BAZ2B: variants seen among roughly 807,000 people sequenced by gnomAD.
The protein encoded by BAZ2B is bromodomain adjacent to zinc finger domain protein 2B.
A neutral mutation model predicts 246.0 loss-of-function variants in BAZ2B; 91 were observed. That is an observed-to-expected ratio of 0.37 (90% CI 0.31 to 0.44). The LOEUF (loss-of-function observed/expected upper bound fraction) is 0.44. Among genes scored for constraint, BAZ2B ranks in the 20% least tolerant of loss-of-function variants. The probability of loss-of-function intolerance (pLI) is 1.00; values close to 1 mark genes in which losing one functional copy is unlikely to be tolerated. For missense variants in BAZ2B, 2,332 were observed against 2,533.7 expected (o/e 0.92, Z 1.71); for synonymous variants, 855 against 860.0 (o/e 0.99, Z 0.10).
chr2:159,535,534 AG>A (rs1334817752), intron 2 of BAZ2B, among the ~76,000 whole-genome samples: 1 of 152,238 alleles, frequency 6.6e-6, no homozygotes, highest in Non-Finnish European at 1.5e-5. Flanking sequence ...CAAAAAGAAA[AG>A]AAAAATACAC....
chr2:159,391,893 T>C (rs773605366), intron 20 of BAZ2B, among the ~76,000 whole-genome samples: 1 of 152,210 alleles, frequency 6.6e-6, no homozygotes, highest in Non-Finnish European at 1.5e-5. Flanking sequence ...AATGGAAATG[T>C]GGAGTCTCTC....
intron 2 of BAZ2B, among the ~76,000 whole-genome samples, chr2:159,487,498 T>C (rs2079969651): frequency 6.6e-6 from 1 of 152,206 alleles, no homozygotes; most frequent in African/African-American, 2.4e-5. Context: ...CACCTTCAAG[T>C]AGGAGGCACT....
chr2:159,467,693 A>ATGG (rs777276717), intron 3 of BAZ2B, among the ~76,000 whole-genome samples: 1 of 123,760 alleles, frequency 8.1e-6, no homozygotes, highest in Non-Finnish European at 1.9e-5. Context: ...ACTGCTGGTA[A>ATGG]TGGTGGAGTG....
chr2:159,466,144 C>T (rs1194448218), intron 3 of BAZ2B, among the ~76,000 whole-genome samples: 1 of 152,046 alleles, frequency 6.6e-6, no homozygotes, highest in Non-Finnish European at 1.5e-5. Context: ...CTAGTTAAAC[C>T]ATAATTTTGA....
chr2:159,519,670 CTTT>C (rs1156978730), intron 2 of BAZ2B, among the ~76,000 whole-genome samples: 1 of 98,270 alleles, frequency 1.0e-5, no homozygotes. Context: ...GACCTTTCTT[CTTT>C]TTTTTTTTTT....
chr2:159,649,117 T>C, the BAZ2B span, among the ~76,000 whole-genome samples: 3 of 152,186 alleles, frequency 2.0e-5, no homozygotes, highest in East Asian at 5.8e-4. Context: ...CCTTTTATAT[T>C]TTTTGGTGAA....
At chr2:159,667,696 T>C in the BAZ2B span, among the ~76,000 whole-genome samples, 1 of 151,930 alleles carries the variant, frequency 6.6e-6, no homozygotes, top group Non-Finnish European at 1.5e-5. Context: ...TGAAAATCAG[T>C]TAATTATATA....
chr2:159,558,828 A>G (rs1379403454), intron 1 of BAZ2B, among the ~76,000 whole-genome samples: 1 of 152,238 alleles, frequency 6.6e-6, no homozygotes, highest in African/African-American at 2.4e-5. Context: ...CAAAGAGGAA[A>G]ACATGTTGAA....
intron 2 of BAZ2B, among the ~76,000 whole-genome samples, chr2:159,512,013 T>C (rs1037955094): frequency 6.6e-6 from 1 of 152,146 alleles, no homozygotes; most frequent in Non-Finnish European, 1.5e-5. Context: ...GAGAAATGTA[T>C]CAAAACAGCA....
In BAZ2B at chr2:159,549,980, C is replaced by T. The variant is rs576521322; in HGVS notation, c.-3+5843G>A. Among the ~76,000 whole-genome samples the T allele has an allele frequency of 1.3e-4, 20 of 151,996 alleles. No individual in the cohort carries two copies. In the East Asian group the frequency reaches 1.7e-3, roughly 13 times the overall value. ...CTGGAACTACAGGCATGTGCCACCA[C>T]GCCTGGCGAATTTTTGTATTTTTAG... On this transcript the variant is annotated intron_variant, in intron 2 of 36. Transcript: ENST00000392783.
chr2:159,525,920 T>C (rs1269539164), intron 2 of BAZ2B, among the ~76,000 whole-genome samples: 4 of 152,204 alleles, frequency 2.6e-5, no homozygotes, highest in African/African-American at 9.6e-5. Context: ...CTTAGAAATA[T>C]TGATCTAGCA....
intron 2 of BAZ2B, among the ~76,000 whole-genome samples, chr2:159,551,735 A>G (rs1474752600): frequency 6.6e-6 from 1 of 152,168 alleles, no homozygotes; most frequent in Non-Finnish European, 1.5e-5. Flanking sequence ...ACTGATCACA[A>G]AACAGAACAG....
intron 25 of BAZ2B, among the ~76,000 whole-genome samples, chr2:159,376,811 T>C (rs1238451165): frequency 6.6e-6 from 1 of 152,164 alleles, no homozygotes; most frequent in Admixed American, 6.5e-5. Context: ...AAAGTTTTAT[T>C]TAAAGGAGTT....
At chr2:159,704,206 T>C in the BAZ2B span, among the ~76,000 whole-genome samples, 348 of 152,326 alleles carry the variant, frequency 2.3e-3, 1 homozygote, top group Admixed American at 5.3e-3. Flanking sequence ...ATGTCATATG[T>C]ATATAGCTTT....
chr2:159,322,908 C>T (rs76083735), intron 36 of BAZ2B, among the ~76,000 whole-genome samples: 2 of 152,204 alleles, frequency 1.3e-5, no homozygotes, highest in Non-Finnish European at 2.9e-5. Flanking sequence ...CAGGAATACA[C>T]AGACTGTTTC....
At chr2:159,371,018 G>A (rs2149389969) in intron 27 of BAZ2B, among the ~76,000 whole-genome samples, 1 of 152,104 alleles carries the variant, frequency 6.6e-6, no homozygotes, top group Admixed American at 6.5e-5. Flanking sequence ...ATGTTGGTCA[G>A]GCTCGTCACG....
the BAZ2B span, among the ~76,000 whole-genome samples, chr2:159,699,961 C>A: frequency 6.6e-6 from 1 of 152,128 alleles, no homozygotes. Flanking sequence ...GGAATGTTGT[C>A]TCTTAACATG....
intron 2 of BAZ2B, among the ~76,000 whole-genome samples, chr2:159,525,694 T>C (rs1467154734): frequency 6.6e-6 from 1 of 152,158 alleles, no homozygotes; most frequent in Non-Finnish European, 1.5e-5. Context: ...AACCTGTACC[T>C]GGGCAGCATA....
At chr2:159,484,596 A>G (rs1409623086) in intron 2 of BAZ2B, among the ~76,000 whole-genome samples, 1 of 152,238 alleles carries the variant, frequency 6.6e-6, no homozygotes, top group African/African-American at 2.4e-5. Context: ...TATGTACTAT[A>G]AAAGGATTCA....
Sources: allele counts gnomAD v4.1 joint callset (sites outside exome capture counted in the v4.1 genomes callset), GRCh38; gene constraint gnomAD v4.1.1; transcripts MANE v1.5; gene names NCBI Gene and HGNC (gene_info 2026-07-23, HGNC 2026-07-21).